TBX15: variants seen among roughly 807,000 people sequenced by gnomAD.
TBX15 encodes T-box transcription factor TBX15.
In TBX15, 18 loss-of-function variants were observed where a neutral mutation model predicts 53.9. The ratio of observed to expected loss-of-function variants is 0.33; its 90% CI spans 0.23 to 0.49. The LOEUF (loss-of-function observed/expected upper bound fraction) is 0.49. Among genes scored for constraint, TBX15 ranks in the 20% least tolerant of loss-of-function variants. TBX15 has a pLI of 0.98. For missense variants in TBX15, 692 were observed against 749.5 expected, an observed-to-expected ratio of 0.92 and a Z score of 0.90; for synonymous variants, 295 against 278.0, an observed-to-expected ratio of 1.06 and a Z score of -0.61.
chr1:118,978,984 A>G (rs1486282371), intron 1 of TBX15, among the ~76,000 whole-genome samples: 1 of 152,190 alleles, frequency 6.6e-6, no homozygotes, highest in Non-Finnish European at 1.5e-5. Flanking sequence ...TTTCAGGAGC[A>G]AGAGTGGAAG....
chr1:118,885,106 A>G lies in TBX15; in HGVS notation c.1435T>C (p.Tyr479His). ...GCAGCATTGCCTGCCTGCATGACAT[A>G]CTGAAACTGGGAAGTGGGAAAGGAC... ...LGSFPTSQFQ[Y>H]VMQAGNAASS... Residue 479 changes from tyrosine (Y) to histidine (H), a missense_variant, in exon 8 of 8, where the codon TAT becomes CAT. By Grantham distance (83) the Tyr-to-His change is moderately conservative. Coordinates refer to ENST00000369429, the MANE Select transcript of TBX15 (RefSeq NM_001330677.2). The G allele has an allele frequency of 6.2e-7, 1 of 1,614,150 alleles. No homozygotes were observed. The highest frequency in any genetic ancestry group is 8.5e-7 in the Non-Finnish European group (1 of 1,180,028).
At chr1:118,885,871 A>G (rs1653926500) in intron 7 of TBX15, among the ~76,000 whole-genome samples, 1 of 152,226 alleles carries the variant, frequency 6.6e-6, no homozygotes, top group Non-Finnish European at 1.5e-5. Context: ...TTCACTTTCT[A>G]ATAAGACCTC....
chr1:118,952,195 T>G (rs1656537169), intron 1 of TBX15, among the ~76,000 whole-genome samples: 1 of 152,214 alleles, frequency 6.6e-6, no homozygotes, highest in African/African-American at 2.4e-5. Context: ...CATTTTCTTC[T>G]CTCTAGCTTA....
chr1:118,929,215 C>A (rs150644160), intron 2 of TBX15, among the ~76,000 whole-genome samples: 219 of 152,306 alleles, frequency 1.4e-3, no homozygotes, highest in African/African-American at 4.8e-3. Context: ...TAGACTTCAG[C>A]AGCTCTGAAT....
intron 2 of TBX15, among the ~76,000 whole-genome samples, chr1:118,930,083 G>A (rs1485935107): frequency 6.6e-6 from 1 of 152,188 alleles, no homozygotes; most frequent in African/African-American, 2.4e-5. Flanking sequence ...ACTACTGAGA[G>A]AAGGAAGAGA....
Position 118,889,323 on chromosome 1 carries a change from T to C in TBX15, c.1025-3807A>G, listed in dbSNP as rs114706822. ...ACAGCTTGTCGAATGTTAAACAAGA[T>C]TGGAATTTCCAGCCAAGTGCAAAAT... On this transcript the variant is annotated intron_variant, in intron 7 of 7. Coordinates refer to ENST00000369429, the MANE Select transcript of TBX15 (RefSeq NM_001330677.2). 2.4e-3 allele frequency among the ~76,000 whole-genome samples: 373 copies of C among 152,288 alleles called. 2 individuals are homozygous for C. The highest frequency in any genetic ancestry group is 8.7e-3 in the African/African-American group (361 of 41,566).
Position 118,924,775 on chromosome 1 carries a change from A to G in TBX15, c.564T>C (p.Ala188=). ...HSSKWMVAGN[A]DSPVPPRVYI... is the part of the protein sequence containing the mutation. The stretch of plus-strand genomic sequence containing the variant: ...AAACTCTTGGGGGCACAGGGGAATC[A>G]GCATTGCCAGCCACCATCCACTTGG... The change falls in exon 4 of 8, where the codon GCT becomes GCC. Residue 188 remains alanine (A), a synonymous_variant. Transcript: ENST00000369429. 6.2e-7 allele frequency: 1 copy of G among 1,614,110 alleles called. No individual in the cohort carries two copies. Among genetic ancestry groups the G allele is most frequent in the African/African-American group, 1.3e-5 (1 of 75,038 alleles).
At chr1:118,938,983 C>T (rs1253948434) in intron 1 of TBX15, among the ~76,000 whole-genome samples, 1 of 152,020 alleles carries the variant, frequency 6.6e-6, no homozygotes, top group Non-Finnish European at 1.5e-5. Context: ...AGGTGCCTAT[C>T]AATAGTAGAT....
intron 1 of TBX15, among the ~76,000 whole-genome samples, chr1:118,967,216 C>T (rs1385480270): frequency 6.6e-6 from 1 of 152,140 alleles, no homozygotes; most frequent in Non-Finnish European, 1.5e-5. Context: ...AAAGGGTTGA[C>T]CTCGAGACAC....
chr1:118,988,559 G>A (rs916643099), upstream of TBX15, among the ~76,000 whole-genome samples: 1 of 152,192 alleles, frequency 6.6e-6, no homozygotes, highest in Non-Finnish European at 1.5e-5. Context: ...AGGTAGGACA[G>A]TTGAAAGTTG....
intron 2 of TBX15, among the ~76,000 whole-genome samples, chr1:118,929,890 A>G (rs1232228513): frequency 6.6e-6 from 1 of 152,136 alleles, no homozygotes; most frequent in African/African-American, 2.4e-5. Context: ...CTCTCTCCAA[A>G]CCAACTCTTC....
chr1:118,931,535 C>A (rs1260902086), intron 2 of TBX15, 84 bp downstream of exon 2: 2 of 1,473,838 alleles, frequency 1.4e-6, no homozygotes, highest in Non-Finnish European at 9.4e-7. Flanking sequence ...GATGCCATCA[C>A]AAATAAATAA....
chr1:118,909,436 G>A (rs998364410), intron 6 of TBX15, among the ~76,000 whole-genome samples: 2 of 152,194 alleles, frequency 1.3e-5, no homozygotes, highest in African/African-American at 4.8e-5. Flanking sequence ...CAAGAATCTG[G>A]GGGGTTCCTT....
chr1:118,884,628 C>T lies in TBX15; in HGVS notation c.*104G>A, dbSNP rs1474511984. The T allele has an allele frequency of 3.0e-5, 31 of 1,044,062 alleles. 1 individual carries two copies. The South Asian group carries it at 3.5e-4, about 12-fold the overall frequency. 64.7% of individuals were successfully genotyped at this position (1,044,062 alleles called of 1,614,324 possible). On this transcript the variant is annotated 3_prime_UTR_variant, in exon 8 of 8. Transcript: ENST00000369429. ...CAGAAAAAAAAAAAAAAAAAAAACA[C>T]GGTTCCTGTTTTTCAAAGACACTGG... is the stretch of plus-strand genomic sequence containing the variant.
chr1:118,946,475 G>C (rs2799757), intron 1 of TBX15, among the ~76,000 whole-genome samples: 3,820 of 152,214 alleles, frequency 0.025, 174 homozygotes, highest in African/African-American at 0.088. Context: ...ACACTGGTTT[G>C]ATAGGTTTTC....
At chr1:118,922,541 G>A (rs1297661890) in intron 5 of TBX15, among the ~76,000 whole-genome samples, 1 of 152,112 alleles carries the variant, frequency 6.6e-6, no homozygotes. Flanking sequence ...CAAGTTGAAA[G>A]AAATTAATAC....
intron 1 of TBX15, among the ~76,000 whole-genome samples, chr1:118,983,943 G>T (rs1471184695): frequency 6.6e-6 from 1 of 152,372 alleles, no homozygotes; most frequent in African/African-American, 2.4e-5. Flanking sequence ...CACTTCCTCC[G>T]TGTTCACCCT....
intron 4 of TBX15, among the ~76,000 whole-genome samples, chr1:118,924,325 T>G (rs1359000964): frequency 2.0e-5 from 3 of 152,200 alleles, no homozygotes; most frequent in Admixed American, 2.0e-4. Flanking sequence ...GTTATTCTAC[T>G]GAATGTTGTG....
At chr1:118,968,242 T>C (rs1312938934) in intron 1 of TBX15, among the ~76,000 whole-genome samples, 1 of 152,124 alleles carries the variant, frequency 6.6e-6, no homozygotes, top group Non-Finnish European at 1.5e-5. Flanking sequence ...TGAGACAGGG[T>C]CTCCCTCTGT....
Sources: allele counts gnomAD v4.1 joint callset (sites outside exome capture counted in the v4.1 genomes callset), GRCh38; gene constraint gnomAD v4.1.1; transcripts MANE v1.5; gene names NCBI Gene and HGNC (gene_info 2026-07-23, HGNC 2026-07-21).